The following LRMDA variants were observed in gnomAD, a reference collection of about 807,000 sequenced individuals.
The protein encoded by LRMDA is leucine rich melanocyte differentiation associated, also known as leucine-rich melanocyte differentiation-associated protein.
LRMDA carries 18 observed loss-of-function variants against 29.8 expected under a neutral mutation model. The observed-to-expected ratio is 0.60, with a 90% CI of 0.42 to 0.90. The LOEUF is 0.90. LRMDA is among the 40% of genes least tolerant of loss of function. The pLI, the probability that LRMDA is intolerant of heterozygous loss-of-function variation, is 0.00. For synonymous variants in LRMDA, 125 were observed against 109.4 expected, an observed-to-expected ratio of 1.14 and a Z score of -0.89; for missense variants, 273 against 273.9, an observed-to-expected ratio of 1.00 and a Z score of 0.02.
intron 2 of LRMDA, among the ~76,000 whole-genome samples, chr10:75,560,480 C>G (rs533909245): frequency 2.8e-4 from 43 of 151,562 alleles, no homozygotes; most frequent in African/African-American, 8.9e-4. Context: ...CATCTGCAAA[C>G]AGGGACAATT....
chr10:75,735,254 A>G (rs1842747787), intron 2 of LRMDA, among the ~76,000 whole-genome samples: 1 of 152,212 alleles, frequency 6.6e-6, no homozygotes, highest in African/African-American at 2.4e-5. Flanking sequence ...TGAGAAATTG[A>G]TGGCATTAAT....
intron 2 of LRMDA, among the ~76,000 whole-genome samples, chr10:75,719,519 AGTATT>A (rs1842541042): frequency 6.6e-6 from 1 of 152,238 alleles, no homozygotes; most frequent in South Asian, 2.1e-4. Flanking sequence ...TTAGTCGTAG[AGTATT>A]TCTCCAGGGT....
chr10:76,334,718 T>C (rs1421916452), intron 6 of LRMDA, among the ~76,000 whole-genome samples: 1 of 152,198 alleles, frequency 6.6e-6, no homozygotes, highest in Admixed American at 6.5e-5. Context: ...TTGGGCTTTT[T>C]GGGCTTTTCA....
intron 5 of LRMDA, among the ~76,000 whole-genome samples, chr10:76,182,341 T>C (rs1188522163): frequency 6.6e-6 from 1 of 152,134 alleles, no homozygotes; most frequent in African/African-American, 2.4e-5. Context: ...TCCAATCACC[T>C]CCCACCAAGT....
intron 6 of LRMDA, among the ~76,000 whole-genome samples, chr10:76,493,979 T>G (rs1842858246): frequency 6.6e-6 from 1 of 152,092 alleles, no homozygotes; most frequent in South Asian, 2.1e-4. Flanking sequence ...AGTTTATTGC[T>G]TTTATATGTA....
chr10:75,535,948 ACT>A (rs1433525005), intron 2 of LRMDA, among the ~76,000 whole-genome samples: 1 of 152,118 alleles, frequency 6.6e-6, no homozygotes, highest in South Asian at 2.1e-4. Flanking sequence ...TTTGAGCAAG[ACT>A]CTGAATTATT....
chr10:76,201,814 C>T (rs906943594), intron 5 of LRMDA, among the ~76,000 whole-genome samples: 4 of 152,178 alleles, frequency 2.6e-5, no homozygotes, highest in African/African-American at 9.6e-5. Context: ...TAAAAAACTA[C>T]TCCCCACAAT....
intron 5 of LRMDA, among the ~76,000 whole-genome samples, chr10:76,062,265 C>T (rs148562795): frequency 4.9e-4 from 75 of 152,200 alleles, no homozygotes; most frequent in African/African-American, 7.5e-4. Flanking sequence ...TTAAGGTGGC[C>T]GTGATTTGGG....
intron 2 of LRMDA, among the ~76,000 whole-genome samples, chr10:76,018,055 T>A (rs1847908067): frequency 6.6e-6 from 1 of 152,172 alleles, no homozygotes; most frequent in Non-Finnish European, 1.5e-5. Context: ...AGATCACGAT[T>A]TGGGCCAATA....
At position 76,051,460 on chromosome 10, in the gene LRMDA, G is replaced by A. The variant is rs1030390281; in HGVS notation, c.398+4157G>A. On this transcript the variant is annotated intron_variant, in intron 4 of 6. Coordinates refer to ENST00000611255, the MANE Select transcript of LRMDA (RefSeq NM_001305581.2). ...TGAATGCTGTAGGTGAGCTCACCTC[G>A]GCTCATTAGAGTGAGATTGTTGTCA... Among the ~76,000 whole-genome samples the A allele has an allele frequency of 5.3e-5, 8 of 152,280 alleles. No individual in the cohort carries two copies. In the South Asian group the frequency reaches 6.2e-4, roughly 12 times the overall value.
intron 2 of LRMDA, among the ~76,000 whole-genome samples, chr10:75,577,401 A>G (rs1350365444): frequency 2.0e-5 from 3 of 152,212 alleles, no homozygotes; most frequent in African/African-American, 7.2e-5. Context: ...TGAAAAGACC[A>G]AATGTACATT....
At chr10:75,967,135 G>T (rs760780695) in intron 2 of LRMDA, among the ~76,000 whole-genome samples, 1 of 152,158 alleles carries the variant, frequency 6.6e-6, no homozygotes, top group Admixed American at 6.5e-5. Flanking sequence ...GGTTTTGTGC[G>T]GTAGAGCTGA....
chr10:75,648,757 A>G (rs997322443), intron 2 of LRMDA, among the ~76,000 whole-genome samples: 1 of 152,320 alleles, frequency 6.6e-6, no homozygotes, highest in African/African-American at 2.4e-5. Flanking sequence ...CTGGGGAAGG[A>G]GCAGGTAACT....
At chr10:76,411,474 G>T (rs1841960857) in intron 6 of LRMDA, among the ~76,000 whole-genome samples, 1 of 152,196 alleles carries the variant, frequency 6.6e-6, no homozygotes, top group African/African-American at 2.4e-5. Context: ...TCCCTGGGTG[G>T]AATGCATTTG....
At chr10:75,539,488 T>C (rs1839989622) in intron 2 of LRMDA, among the ~76,000 whole-genome samples, 1 of 152,204 alleles carries the variant, frequency 6.6e-6, no homozygotes, top group Admixed American at 6.5e-5. Flanking sequence ...ATGAATACCT[T>C]AGACTGAACT....
intron 2 of LRMDA, among the ~76,000 whole-genome samples, chr10:75,917,570 G>A (rs964991416): frequency 6.6e-6 from 1 of 152,220 alleles, no homozygotes; most frequent in East Asian, 1.9e-4. Context: ...GGAATCGGGA[G>A]AGTGTGACAA....
At chr10:75,629,428 CAT>C (rs774827940) in intron 2 of LRMDA, among the ~76,000 whole-genome samples, 29 of 152,342 alleles carry the variant, frequency 1.9e-4, no homozygotes, top group Middle Eastern at 3.4e-3. Context: ...TTCTCCTACA[CAT>C]GTCATTGCTC....
At chr10:75,452,232 G>C (rs994014509) in intron 2 of LRMDA, among the ~76,000 whole-genome samples, 1 of 152,158 alleles carries the variant, frequency 6.6e-6, no homozygotes, top group African/African-American at 2.4e-5. Context: ...CTGAGGCTGC[G>C]TGGAAAGTTT....
chr10:76,171,095 A>T (rs550317681), intron 5 of LRMDA, among the ~76,000 whole-genome samples: 1 of 152,352 alleles, frequency 6.6e-6, no homozygotes, highest in Admixed American at 6.5e-5. Context: ...GAGCAGCTAT[A>T]TCTGTGCCTA....
Sources: gnomAD v4.1 joint callset for allele counts (sites outside exome capture counted in the v4.1 genomes callset) on GRCh38, gnomAD v4.1.1 for gene constraint, MANE v1.5 for transcripts, NCBI Gene and HGNC (gene_info 2026-07-23, HGNC 2026-07-21) for gene names.